PDE4B: variants seen among roughly 807,000 people sequenced by gnomAD.
PDE4B encodes the protein phosphodiesterase 4B.
PDE4B carries 20 observed loss-of-function variants against 82.2 expected under a neutral mutation model. The ratio of observed to expected loss-of-function variants is 0.24; its 90% CI spans 0.17 to 0.35. The LOEUF (loss-of-function observed/expected upper bound fraction) is 0.35, where lower values mean the gene tolerates loss of function less well. Among genes scored for constraint, PDE4B ranks in the 10% least tolerant of loss-of-function variants. The probability of loss-of-function intolerance (pLI) is 1.00; values close to 1 mark genes in which losing one functional copy is unlikely to be tolerated. For synonymous variants in PDE4B, 320 were observed against 318.9 expected, an observed-to-expected ratio of 1.00 and a Z score of -0.04; for missense variants, 655 against 907.2, an observed-to-expected ratio of 0.72 and a Z score of 3.57.
At chr1:66,290,888 A>G (rs1657023887) in intron 7 of PDE4B, among the ~76,000 whole-genome samples, 1 of 152,156 alleles carries the variant, frequency 6.6e-6, no homozygotes, top group Non-Finnish European at 1.5e-5. Context: ...ACCACTCATC[A>G]GAAGGATGAA....
chr1:66,159,245 C>CT (rs34101261), intron 3 of PDE4B, among the ~76,000 whole-genome samples: 2,700 of 139,686 alleles, frequency 0.019, 67 homozygotes, highest in Admixed American at 0.062. Flanking sequence ...TAAAATAAAA[C>CT]TTTTTTTTTT....
At chr1:66,137,526 A>C (rs940589861) in intron 3 of PDE4B, among the ~76,000 whole-genome samples, 8 of 152,206 alleles carry the variant, frequency 5.3e-5, no homozygotes, top group African/African-American at 1.9e-4. Flanking sequence ...AATTATAAAG[A>C]CTGAACTGAA....
chr1:66,050,695 G>A (rs1654976876), intron 3 of PDE4B: 1 of 152,048 alleles, frequency 6.6e-6, no homozygotes, highest in South Asian at 2.1e-4. Flanking sequence ...ATACACCTTT[G>A]TTAAAAAGAA....
chr1:65,859,379 G>C (rs1351300574), intron 1 of PDE4B, among the ~76,000 whole-genome samples: 3 of 151,904 alleles, frequency 2.0e-5, no homozygotes, highest in Non-Finnish European at 4.4e-5. Context: ...ATAAGACTCT[G>C]GTACAAAGAT....
intron 1 of PDE4B, among the ~76,000 whole-genome samples, chr1:65,838,961 T>A (rs12760107): frequency 0.16 from 24,690 of 152,090 alleles, 2,554 homozygotes; most frequent in Non-Finnish European, 0.23. Context: ...TTGTATAATT[T>A]CATTGTGTTG....
chr1:66,347,445 C>T (rs776754094), intron 8 of PDE4B, among the ~76,000 whole-genome samples: 2 of 152,128 alleles, frequency 1.3e-5, no homozygotes, highest in Non-Finnish European at 2.9e-5. Context: ...CCTCAATTTG[C>T]CGGTGCATAC....
intron 3 of PDE4B, among the ~76,000 whole-genome samples, chr1:66,079,165 T>TC (rs1265684403): frequency 1.2e-5 from 1 of 85,184 alleles, no homozygotes; most frequent in East Asian, 3.2e-4. Flanking sequence ...CCCTGCTTCT[T>TC]TTCTCTCTCT....
intron 3 of PDE4B, among the ~76,000 whole-genome samples, chr1:65,961,493 A>G (rs895363275): frequency 1.3e-5 from 2 of 152,180 alleles, no homozygotes; most frequent in Non-Finnish European, 2.9e-5. Context: ...GTTCATAATA[A>G]GAATAAAGAT....
In PDE4B at chr1:65,886,088, A is replaced by G. The variant is rs149165512; in HGVS notation, c.-70-27157A>G. Among the ~76,000 whole-genome samples the G allele has an allele frequency of 2.8e-3, 425 of 151,742 alleles. 3 individuals carry two copies. Among genetic ancestry groups the G allele is most frequent in the African/African-American group, 9.3e-3 (385 of 41,498 alleles). On this transcript the variant is annotated intron_variant, in intron 1 of 16. Transcript: ENST00000341517. ...AACATAAAATATCTCATCATTTTTG[A>G]ATATTAATTACATTTTGAAATGACA... is the stretch of plus-strand genomic sequence containing the variant.
intron 3 of PDE4B, among the ~76,000 whole-genome samples, chr1:66,202,945 A>G (rs1158822133): frequency 1.3e-5 from 2 of 151,788 alleles, no homozygotes; most frequent in Middle Eastern, 3.4e-3. Context: ...CCTAGCCTTG[A>G]TGGTCTTTAT....
At chr1:66,371,128 ATATAT>A (rs1301471840) in intron 16 of PDE4B, among the ~76,000 whole-genome samples, 2 of 121,476 alleles carry the variant, frequency 1.6e-5, no homozygotes, top group African/African-American at 6.7e-5. Context: ...ATATATATAT[ATATAT>A]AATTTTATTT....
chr1:65,876,671 A>G lies in PDE4B; in HGVS notation c.-70-36574A>G, dbSNP rs1241393742. Among the ~76,000 whole-genome samples the G allele has an allele frequency of 2.6e-5, 4 of 152,290 alleles. No homozygotes were observed. The South Asian group carries it at 6.2e-4, about 24-fold the overall frequency. On this transcript the variant is annotated intron_variant, in intron 1 of 16. Transcript: ENST00000341517. ...TTAATAAATTTTCATAATTTATGAC[A>G]CATTGTATGTATATAGAATTATTAA... is the stretch of plus-strand genomic sequence containing the variant.
At chr1:66,099,877 C>A (rs1570231950) in intron 3 of PDE4B, among the ~76,000 whole-genome samples, 1 of 152,076 alleles carries the variant, frequency 6.6e-6, no homozygotes, top group Admixed American at 6.6e-5. Context: ...TGAAATGCTG[C>A]CGCTTCCTGC....
intron 1 of PDE4B, among the ~76,000 whole-genome samples, chr1:65,879,926 T>C (rs2100338207): frequency 6.6e-6 from 1 of 152,322 alleles, no homozygotes; most frequent in Admixed American, 6.5e-5. Context: ...GTATCATTCC[T>C]TCATCATATA....
At chr1:65,828,483 T>C (rs1160708288) in intron 1 of PDE4B, among the ~76,000 whole-genome samples, 1 of 152,160 alleles carries the variant, frequency 6.6e-6, no homozygotes, top group African/African-American at 2.4e-5. Flanking sequence ...TGACCTCAAA[T>C]GATCCGTCTG....
chr1:66,241,705 A>C (rs145296791), intron 3 of PDE4B, among the ~76,000 whole-genome samples: 1 of 152,094 alleles, frequency 6.6e-6, no homozygotes, highest in East Asian at 1.9e-4. Context: ...GCATTTTTTC[A>C]TGACTATGCC....
chr1:65,856,136 A>G (rs1022065162), intron 1 of PDE4B, among the ~76,000 whole-genome samples: 1 of 152,166 alleles, frequency 6.6e-6, no homozygotes, highest in African/African-American at 2.4e-5. Context: ...GATGGATGAC[A>G]TTAATAATTG....
intron 3 of PDE4B, among the ~76,000 whole-genome samples, chr1:66,107,048 C>A (rs1314442755): frequency 1.4e-5 from 2 of 147,664 alleles, no homozygotes; most frequent in African/African-American, 4.9e-5. Flanking sequence ...AATTTTGGAT[C>A]TTTCCTGCTT....
intron 9 of PDE4B, among the ~76,000 whole-genome samples, chr1:66,358,273 G>A (rs1662427802): frequency 6.6e-6 from 1 of 152,146 alleles, no homozygotes; most frequent in Non-Finnish European, 1.5e-5. Context: ...AAGGCTGTTA[G>A]GAACGCAGAA....
Sources: gnomAD v4.1 joint callset for allele counts (sites outside exome capture counted in the v4.1 genomes callset) on GRCh38, gnomAD v4.1.1 for gene constraint, MANE v1.5 for transcripts, NCBI Gene and HGNC (gene_info 2026-07-23, HGNC 2026-07-21) for gene names.